PSD3: variants seen among roughly 807,000 people sequenced by gnomAD.
The protein encoded by PSD3 is pleckstrin and Sec7 domain containing 3, also known as PH and SEC7 domain-containing protein 3.
Under a neutral mutation model 105.5 loss-of-function variants are expected in PSD3, and 49 were observed. The ratio of observed to expected loss-of-function variants is 0.46; its 90% confidence interval spans 0.37 to 0.59. The LOEUF (loss-of-function observed/expected upper bound fraction) is 0.59. Ranked by LOEUF, PSD3 falls within the 20% of genes least tolerant of loss-of-function variation. The pLI, the probability that PSD3 is intolerant of heterozygous loss-of-function variation, is 0.00. For synonymous variants in PSD3, 557 were observed against 457.8 expected, an observed-to-expected ratio of 1.22 and a Z score of -2.77; for missense variants, 1,561 against 1,263.8, an observed-to-expected ratio of 1.24 and a Z score of -3.57.
intron 9 of PSD3, among the ~76,000 whole-genome samples, chr8:18,695,316 C>T (rs112192777): frequency 1.7e-3 from 254 of 152,332 alleles, no homozygotes; most frequent in African/African-American, 5.8e-3. Context: ...AGCCCCAAAT[C>T]AGCCTTGCAG....
chr8:19,030,261 G>T (rs1827718537), intron 1 of PSD3, among the ~76,000 whole-genome samples: 1 of 152,030 alleles, frequency 6.6e-6, no homozygotes, highest in African/African-American at 2.4e-5. Flanking sequence ...TGTAATTTTG[G>T]TGAATTACAC....
chr8:18,918,595 C>G (rs1046589081), intron 2 of PSD3, among the ~76,000 whole-genome samples: 4 of 152,230 alleles, frequency 2.6e-5, no homozygotes, highest in Non-Finnish European at 5.9e-5. Flanking sequence ...GCATCTGGTA[C>G]TTGACATACT....
intron 9 of PSD3, among the ~76,000 whole-genome samples, chr8:18,692,951 G>GCAGAAATTCACT (rs1213517519): frequency 2.0e-5 from 3 of 152,138 alleles, no homozygotes; most frequent in Non-Finnish European, 4.4e-5. Context: ...CACTACCGGG[G>GCAGAAATTCACT]GTAGAATGTC....
At chr8:18,804,367 C>T (rs1033317625) in intron 6 of PSD3, 155 bp downstream of exon 6, 2 of 633,244 alleles carry the variant, frequency 3.2e-6, no homozygotes, top group Admixed American at 3.5e-5. Context: ...AAATCCACAA[C>T]ACTTATGGAC....
intron 9 of PSD3, among the ~76,000 whole-genome samples, chr8:18,687,347 T>A (rs962713080): frequency 6.6e-6 from 1 of 152,036 alleles, no homozygotes; most frequent in African/African-American, 2.4e-5. Flanking sequence ...GCACCTGTGG[T>A]CCTGACTACT....
At chr8:18,708,914 G>A (rs905816441) in intron 9 of PSD3, among the ~76,000 whole-genome samples, 7 of 152,158 alleles carry the variant, frequency 4.6e-5, no homozygotes, top group Admixed American at 1.3e-4. Flanking sequence ...CAAGGGAGGT[G>A]GAGAGTGATC....
At chr8:18,556,159 C>A in intron 15 of PSD3, 50 bp downstream of exon 15, 1 of 1,599,366 alleles carries the variant, frequency 6.3e-7, no homozygotes, top group Non-Finnish European at 8.5e-7. Context: ...ATGGACAGAT[C>A]ATAAGAAAAC....
At chr8:18,975,090 T>G (rs993942520) in intron 1 of PSD3, among the ~76,000 whole-genome samples, 4 of 151,992 alleles carry the variant, frequency 2.6e-5, no homozygotes, top group Non-Finnish European at 5.9e-5. Context: ...TGAGGCCTGC[T>G]GGGTGGCAGG....
At chr8:18,907,986 C>CTAAATT (rs1819958451) in intron 2 of PSD3, among the ~76,000 whole-genome samples, 2 of 151,992 alleles carry the variant, frequency 1.3e-5, no homozygotes, top group Non-Finnish European at 2.9e-5. Flanking sequence ...AAGTATGCAA[C>CTAAATT]GTGAAATGGT....
At chr8:18,717,541 C>A (rs1395095264) in intron 9 of PSD3, among the ~76,000 whole-genome samples, 7 of 151,990 alleles carry the variant, frequency 4.6e-5, no homozygotes, top group African/African-American at 1.7e-4. Flanking sequence ...AAAAAACCAA[C>A]CATGAAGCAA....
intron 2 of PSD3, among the ~76,000 whole-genome samples, chr8:18,908,751 G>C (rs1409418294): frequency 6.6e-6 from 1 of 152,164 alleles, no homozygotes; most frequent in Non-Finnish European, 1.5e-5. Flanking sequence ...TGTCTTGCTT[G>C]TAAGTTCATT....
chr8:18,900,027 A>G (rs908185517), intron 2 of PSD3, among the ~76,000 whole-genome samples: 1 of 152,160 alleles, frequency 6.6e-6, no homozygotes, highest in African/African-American at 2.4e-5. Flanking sequence ...AAAAGAAAGA[A>G]ACCTGCCAGG....
intron 9 of PSD3, among the ~76,000 whole-genome samples, chr8:18,678,707 G>A (rs1800206957): frequency 6.6e-6 from 1 of 152,012 alleles, no homozygotes; most frequent in South Asian, 2.1e-4. Flanking sequence ...GCTAACTTGG[G>A]AGGCCGAGGC....
chr8:19,034,744 C>G (rs1448962367), intron 1 of PSD3, among the ~76,000 whole-genome samples: 1 of 152,172 alleles, frequency 6.6e-6, no homozygotes, highest in East Asian at 1.9e-4. Context: ...GCCTTCACAT[C>G]ACGCTGAATC....
chr8:19,028,221 C>T (rs1259097658), intron 1 of PSD3, among the ~76,000 whole-genome samples: 1 of 150,314 alleles, frequency 6.7e-6, no homozygotes, highest in African/African-American at 2.5e-5. Flanking sequence ...CTTATTTTCA[C>T]TTTGTGTGTC....
At chr8:18,698,667 A>C (rs1457958780) in intron 9 of PSD3, among the ~76,000 whole-genome samples, 1 of 152,212 alleles carries the variant, frequency 6.6e-6, no homozygotes, top group African/African-American at 2.4e-5. Context: ...TGTTAAGACA[A>C]CAAGTTTATG....
chr8:18,562,857 C>G (rs956701847), intron 14 of PSD3, among the ~76,000 whole-genome samples: 20 of 151,764 alleles, frequency 1.3e-4, no homozygotes, highest in African/African-American at 4.8e-4. Flanking sequence ...CCACTGCACT[C>G]CAGCCTGGGC....
intron 1 of PSD3, among the ~76,000 whole-genome samples, chr8:19,027,223 A>AAAAAAG (rs758177206): frequency 5.3e-5 from 8 of 152,134 alleles, no homozygotes; most frequent in East Asian, 1.9e-4. Flanking sequence ...GGAAAAAAAC[A>AAAAAAG]AAAAAGAAAA....
At chr8:19,026,250 G>T (rs1052436804) in intron 1 of PSD3, among the ~76,000 whole-genome samples, 8 of 152,258 alleles carry the variant, frequency 5.3e-5, no homozygotes, top group Middle Eastern at 6.8e-3. Context: ...CCATAGGACC[G>T]TCATATTCTT....
Sources: gnomAD v4.1 joint callset for allele counts (sites outside exome capture counted in the v4.1 genomes callset) on GRCh38, gnomAD v4.1.1 for gene constraint, MANE v1.5 for transcripts, NCBI Gene and HGNC (gene_info 2026-07-23, HGNC 2026-07-21) for gene names.